CCSER1: variants seen among roughly 807,000 people sequenced by gnomAD.
CCSER1 encodes the protein serine-rich coiled-coil domain-containing protein 1.
In CCSER1, 41 loss-of-function variants were observed where a neutral mutation model predicts 82.0. The observed-to-expected ratio is 0.50, with a 90% confidence interval of 0.39 to 0.65. The LOEUF is 0.65. Among genes scored for constraint, CCSER1 ranks in the 30% least tolerant of loss-of-function variants. CCSER1 has a pLI of 0.00. For synonymous variants in CCSER1, 414 were observed against 383.9 expected, an observed-to-expected ratio of 1.08 and a Z score of -0.92; for missense variants, 1,119 against 1,064.2, an observed-to-expected ratio of 1.05 and a Z score of -0.72.
intron 9 of CCSER1, among the ~76,000 whole-genome samples, chr4:91,033,824 A>G (rs928304788): frequency 5.3e-5 from 8 of 152,190 alleles, no homozygotes; most frequent in Non-Finnish European, 1.2e-4. Flanking sequence ...TTGTAACTCA[A>G]AAGTGCTATT....
intron 8 of CCSER1, among the ~76,000 whole-genome samples, chr4:90,919,923 A>C (rs2150236536): frequency 6.6e-6 from 1 of 152,084 alleles, no homozygotes; most frequent in South Asian, 2.1e-4. Context: ...AATGTGAAAA[A>C]ATAAGCGGTG....
chr4:91,043,165 A>G (rs1466531100), intron 9 of CCSER1, among the ~76,000 whole-genome samples: 2 of 152,182 alleles, frequency 1.3e-5, no homozygotes, highest in Non-Finnish European at 2.9e-5. Flanking sequence ...TAATAACTTA[A>G]AAACAACTTT....
At chr4:91,027,322 T>C (rs1329353067) in intron 9 of CCSER1, among the ~76,000 whole-genome samples, 2 of 151,996 alleles carry the variant, frequency 1.3e-5, no homozygotes, top group African/African-American at 4.8e-5. Flanking sequence ...GATAATCACA[T>C]AAGTAATGAC....
intron 7 of CCSER1, among the ~76,000 whole-genome samples, chr4:90,811,991 A>T (rs935431813): frequency 0.096 from 11,284 of 117,216 alleles, 498 homozygotes; most frequent in Admixed American, 0.13. Context: ...TATATATATA[A>T]ACACATATAT....
intron 4 of CCSER1, among the ~76,000 whole-genome samples, chr4:90,424,034 T>C (rs1410840243): frequency 6.6e-6 from 1 of 150,576 alleles, no homozygotes; most frequent in East Asian, 2.0e-4. Flanking sequence ...GAGGTTGCAG[T>C]GAGCAGAGAT....
At chr4:90,200,886 A>G (rs1737566759) in intron 1 of CCSER1, among the ~76,000 whole-genome samples, 1 of 152,142 alleles carries the variant, frequency 6.6e-6, no homozygotes, top group African/African-American at 2.4e-5. Flanking sequence ...TTATAAATGT[A>G]GAGATGAATA....
chr4:90,807,598 A>C (rs1757686062), intron 7 of CCSER1, among the ~76,000 whole-genome samples: 1 of 152,072 alleles, frequency 6.6e-6, no homozygotes, highest in African/African-American at 2.4e-5. Flanking sequence ...TTTCTGGGTA[A>C]AATAATGACC....
chr4:90,837,236 T>G (rs1761915764), intron 8 of CCSER1, among the ~76,000 whole-genome samples: 1 of 152,194 alleles, frequency 6.6e-6, no homozygotes, highest in Non-Finnish European at 1.5e-5. Flanking sequence ...ATTATTTTTC[T>G]TCTAAGTATA....
chr4:91,494,916 G>T (rs1222159265), intron 10 of CCSER1, among the ~76,000 whole-genome samples: 1 of 151,282 alleles, frequency 6.6e-6, no homozygotes, highest in East Asian at 1.9e-4. Flanking sequence ...ATACTTCTAC[G>T]CAGCATTCCA....
At chr4:90,818,822 T>C (rs1759369259) in intron 8 of CCSER1, among the ~76,000 whole-genome samples, 1 of 152,154 alleles carries the variant, frequency 6.6e-6, no homozygotes, top group South Asian at 2.1e-4. Context: ...ATTAAATGTG[T>C]AGTCCCCAAT....
chr4:90,135,970 T>C (rs1723627044), intron 1 of CCSER1, among the ~76,000 whole-genome samples: 1 of 152,234 alleles, frequency 6.6e-6, no homozygotes, highest in Non-Finnish European at 1.5e-5. Context: ...TGTACAAATA[T>C]ATGCACAATG....
chr4:91,056,271 A>G (rs1440067955), intron 9 of CCSER1, among the ~76,000 whole-genome samples: 2 of 151,920 alleles, frequency 1.3e-5, no homozygotes, highest in Non-Finnish European at 2.9e-5. Flanking sequence ...CCATTTTGTG[A>G]TTCTATGACA....
In CCSER1 at chr4:91,598,808, A is replaced by C. The variant is rs1396663151; in HGVS notation, c.2454A>C (p.Thr818=). 1 of 1,551,666 alleles carries C rather than the reference A, an allele frequency of 6.4e-7. No homozygotes were observed. Among genetic ancestry groups the C allele is most frequent in the Non-Finnish European group, 8.7e-7 (1 of 1,146,928 alleles). ...ATGAAACCCTCACTTCAGACGTTACACAGAACTTACGGGCCACCGTTGGGC... is the reference window on the plus strand; with the variant it reads ...ATGAAACCCTCACTTCAGACGTTACCCAGAACTTACGGGCCACCGTTGGGC... ...GTYETLTSDV[T]QNLRATVGQS... The change falls in exon 11 of 11, where the codon ACA becomes ACC. Residue 818 remains threonine, a synonymous_variant. Coordinates refer to ENST00000509176, the MANE Select transcript of CCSER1 (RefSeq NM_001145065.2).
intron 7 of CCSER1, among the ~76,000 whole-genome samples, chr4:90,776,145 G>C (rs1156413804): frequency 6.6e-6 from 1 of 152,032 alleles, no homozygotes; most frequent in Non-Finnish European, 1.5e-5. Context: ...TAAAACAATT[G>C]TACTGTATGA....
intron 5 of CCSER1, among the ~76,000 whole-genome samples, chr4:90,623,843 C>T (rs1292154687): frequency 1.3e-5 from 2 of 152,100 alleles, no homozygotes; most frequent in African/African-American, 4.8e-5. Flanking sequence ...TAGGTAGGTC[C>T]TTAAACAGAT....
At chr4:91,436,840 A>G (rs1241095023) in intron 10 of CCSER1, among the ~76,000 whole-genome samples, 1 of 152,224 alleles carries the variant, frequency 6.6e-6, no homozygotes. Context: ...AAAAAGCACA[A>G]TGTCTCAAAC....
At chr4:90,206,424 C>A (rs987314247) in intron 1 of CCSER1, among the ~76,000 whole-genome samples, 6 of 152,060 alleles carry the variant, frequency 3.9e-5, no homozygotes, top group Non-Finnish European at 5.9e-5. Context: ...TTTCAAAGAA[C>A]TTATTTATTT....
At chr4:90,798,553 T>A (rs1458418376) in intron 7 of CCSER1, among the ~76,000 whole-genome samples, 2 of 152,148 alleles carry the variant, frequency 1.3e-5, no homozygotes, top group Non-Finnish European at 2.9e-5. Context: ...AAAGGCCTTC[T>A]GGCTTTTTGG....
At chr4:90,329,670 T>C (rs1253716060) in intron 3 of CCSER1, among the ~76,000 whole-genome samples, 1 of 152,244 alleles carries the variant, frequency 6.6e-6, no homozygotes, top group East Asian at 1.9e-4. Context: ...CAAAATCGAT[T>C]TATAATCACT....
Sources: gnomAD v4.1 joint callset for allele counts (sites outside exome capture counted in the v4.1 genomes callset) on GRCh38, gnomAD v4.1.1 for gene constraint, MANE v1.5 for transcripts, NCBI Gene and HGNC (gene_info 2026-07-23, HGNC 2026-07-21) for gene names.